Variants in TMPRSS11E observed in about 807,000 individuals in gnomAD.
The protein encoded by TMPRSS11E is transmembrane serine protease 11E, also known as transmembrane protease serine 11E.
Under a neutral mutation model 48.1 loss-of-function variants are expected in TMPRSS11E, and 38 were observed. That is an observed-to-expected ratio of 0.79 (90% confidence interval 0.61 to 1.04). The LOEUF is 1.04. TMPRSS11E is among the 50% of genes least tolerant of loss of function. TMPRSS11E has a pLI of 0.00. For synonymous variants in TMPRSS11E, 158 were observed against 171.9 expected (o/e 0.92, Z 0.63); for missense variants, 530 against 510.8 (o/e 1.04, Z -0.36).
chr4:68,450,367 G>A (rs139247084), intron 1 of TMPRSS11E, among the ~76,000 whole-genome samples: 35,936 of 151,898 alleles, frequency 0.24, 4,604 homozygotes, highest in Middle Eastern at 0.31. Context: ...TTTAAAAGAT[G>A]AAGCACCTGT....
intron 5 of TMPRSS11E, among the ~76,000 whole-genome samples, chr4:68,473,982 T>G (rs1389735666): frequency 1.3e-5 from 2 of 151,376 alleles, no homozygotes; most frequent in African/African-American, 2.4e-5. Context: ...AATAATATTT[T>G]TGCATTTAGA....
intron 6 of TMPRSS11E, among the ~76,000 whole-genome samples, chr4:68,475,045 A>G (rs889658964): frequency 1.3e-5 from 2 of 152,168 alleles, no homozygotes; most frequent in Non-Finnish European, 2.9e-5. Context: ...ATGTTTACTT[A>G]TCAATGTTCT....
chr4:68,484,504 T>C (rs1055481057), intron 9 of TMPRSS11E, among the ~76,000 whole-genome samples: 1 of 152,058 alleles, frequency 6.6e-6, no homozygotes, highest in Non-Finnish European at 1.5e-5. Flanking sequence ...GATGGAGTCT[T>C]GCCATGTTGC....
chr4:68,480,420 G>A (rs2603177), intron 9 of TMPRSS11E, among the ~76,000 whole-genome samples: 142,457 of 152,074 alleles, frequency 0.94, 67,354 homozygotes, highest in Non-Finnish European at 1. Flanking sequence ...TGTTAAGCCC[G>A]TCCAGTGAGT....
chr4:68,472,270 T>C (rs921894288), intron 5 of TMPRSS11E, among the ~76,000 whole-genome samples: 1 of 151,976 alleles, frequency 6.6e-6, no homozygotes, highest in African/African-American at 2.4e-5. Flanking sequence ...TGAAGGTCTA[T>C]AGAAATACTA....
chr4:68,461,867 G>T lies in TMPRSS11E; in HGVS notation c.58G>T (p.Val20Phe). Reference protein sequence around the residue: ...ARKRVCWEPWVIGLVIFISLI... With the variant: ...ARKRVCWEPWFIGLVIFISLI... ...GAAAAGAGTTTGTTGGGAACCCTGG[G>T]TTATCGGCCTCGTCATCTTCATATC... Residue 20 changes from valine to phenylalanine, a missense_variant, in exon 2 of 10, where the codon GTT (valine) becomes TTT (phenylalanine). Coordinates refer to ENST00000305363, the MANE Select transcript of TMPRSS11E (RefSeq NM_014058.4). 1.2e-6 allele frequency: 2 copies of T among 1,614,182 alleles called. No homozygotes were observed. Among genetic ancestry groups the T allele is most frequent in the South Asian group, 1.1e-5 (1 of 91,086 alleles).
At chr4:68,462,448 T>C (rs1378882003) in intron 2 of TMPRSS11E, among the ~76,000 whole-genome samples, 2 of 148,414 alleles carry the variant, frequency 1.3e-5, no homozygotes, top group Non-Finnish European at 3.0e-5. Context: ...CCAGGTGTGA[T>C]GGTGTACACC....
At chr4:68,488,465 T>C (rs1011260848) in intron 9 of TMPRSS11E, among the ~76,000 whole-genome samples, 1 of 152,232 alleles carries the variant, frequency 6.6e-6, no homozygotes, top group African/African-American at 2.4e-5. Flanking sequence ...CATTGTATTA[T>C]GAAATTCTTG....
intron 9 of TMPRSS11E, among the ~76,000 whole-genome samples, chr4:68,489,785 G>A (rs906858949): frequency 1.3e-5 from 2 of 152,334 alleles, no homozygotes; most frequent in Non-Finnish European, 2.9e-5. Flanking sequence ...GCAGACAAGC[G>A]AGTGCTTGGA....
At chr4:68,453,811 C>T (rs1728558397) in intron 1 of TMPRSS11E, among the ~76,000 whole-genome samples, 1 of 151,908 alleles carries the variant, frequency 6.6e-6, no homozygotes, top group African/African-American at 2.4e-5. Context: ...CAGGTAAGAG[C>T]TAATAGGGAG....
intron 1 of TMPRSS11E, among the ~76,000 whole-genome samples, chr4:68,452,897 G>A (rs999099299): frequency 1.3e-5 from 2 of 151,910 alleles, no homozygotes; most frequent in African/African-American, 2.4e-5. Flanking sequence ...CTAAACTGTA[G>A]GACAACTGGC....
chr4:68,486,880 C>T (rs1729568719), intron 9 of TMPRSS11E, among the ~76,000 whole-genome samples: 1 of 152,120 alleles, frequency 6.6e-6, no homozygotes, highest in Non-Finnish European at 1.5e-5. Flanking sequence ...CTTTGTTACA[C>T]CATTTTTTGT....
At chr4:68,469,326 A>G (rs892394513) in intron 4 of TMPRSS11E, among the ~76,000 whole-genome samples, 2 of 151,996 alleles carry the variant, frequency 1.3e-5, no homozygotes, top group African/African-American at 2.4e-5. Context: ...CTATTAATCA[A>G]TCTTCTTTAT....
chr4:68,459,044 G>A (rs546130682), intron 1 of TMPRSS11E, among the ~76,000 whole-genome samples: 1 of 144,426 alleles, frequency 6.9e-6, no homozygotes, highest in East Asian at 1.9e-4. Context: ...TTGAATCTCT[G>A]CGTACAAGAC....
intron 9 of TMPRSS11E, among the ~76,000 whole-genome samples, chr4:68,479,225 T>C (rs1578141819): frequency 6.6e-6 from 1 of 152,150 alleles, no homozygotes; most frequent in East Asian, 1.9e-4. Flanking sequence ...TGTAGATTTG[T>C]GTAACCACCA....
intron 2 of TMPRSS11E, among the ~76,000 whole-genome samples, chr4:68,463,451 G>T (rs766839581): frequency 2.0e-5 from 3 of 151,950 alleles, no homozygotes; most frequent in Admixed American, 6.6e-5. Flanking sequence ...ACAGGCATGC[G>T]CCACCACACC....
intron 1 of TMPRSS11E, among the ~76,000 whole-genome samples, chr4:68,448,674 T>G (rs549627058): frequency 4.6e-5 from 7 of 151,980 alleles, no homozygotes; most frequent in African/African-American, 1.7e-4. Flanking sequence ...GTGTAGTCTC[T>G]AATTTGAAGC....
chr4:68,473,357 C>T (rs1368930305), intron 5 of TMPRSS11E, among the ~76,000 whole-genome samples: 1 of 152,034 alleles, frequency 6.6e-6, no homozygotes, highest in African/African-American at 2.4e-5. Flanking sequence ...AAAACATGGC[C>T]TCCAAGGCAT....
intron 1 of TMPRSS11E, among the ~76,000 whole-genome samples, chr4:68,457,135 A>G (rs1728654383): frequency 6.6e-6 from 1 of 152,216 alleles, no homozygotes; most frequent in Non-Finnish European, 1.5e-5. Flanking sequence ...AGAATGGGAG[A>G]AAATTTTTGC....
Sources: allele counts gnomAD v4.1 joint callset (sites outside exome capture counted in the v4.1 genomes callset), GRCh38; gene constraint gnomAD v4.1.1; transcripts MANE v1.5; gene names NCBI Gene and HGNC (gene_info 2026-07-23, HGNC 2026-07-21).